Variants in RBFOX1 observed in about 807,000 individuals in gnomAD.
RBFOX1 encodes RNA binding protein fox-1 homolog 1.
RBFOX1 carries 8 observed loss-of-function variants against 57.7 expected under a neutral mutation model. The observed-to-expected ratio is 0.14, with a 90% CI of 0.08 to 0.25. The LOEUF is 0.25. Ranked by LOEUF, RBFOX1 falls within the 10% of genes least tolerant of loss-of-function variation. The probability of loss-of-function intolerance (pLI) is 1.00; values close to 1 mark genes in which losing one functional copy is unlikely to be tolerated. For synonymous variants in RBFOX1, 326 were observed against 222.4 expected, an observed-to-expected ratio of 1.47 and a Z score of -4.15; for missense variants, 611 against 548.5, an observed-to-expected ratio of 1.11 and a Z score of -1.14.
intron 3 of RBFOX1, among the ~76,000 whole-genome samples, chr16:6,760,757 A>G (rs1019269699): frequency 1.3e-5 from 2 of 152,212 alleles, no homozygotes; most frequent in Non-Finnish European, 2.9e-5. Context: ...CCTTGGTGCA[A>G]GATGCAGAGA....
intron 3 of RBFOX1, among the ~76,000 whole-genome samples, chr16:5,621,359 G>T (rs1346779583): frequency 2.6e-5 from 4 of 152,114 alleles, no homozygotes; most frequent in African/African-American, 9.7e-5. Flanking sequence ...AGTTGCTGGG[G>T]GTCATGATTT....
chr16:5,778,484 G>C (rs950879765), intron 3 of RBFOX1, among the ~76,000 whole-genome samples: 5 of 152,094 alleles, frequency 3.3e-5, no homozygotes, highest in Non-Finnish European at 7.4e-5. Flanking sequence ...TTCCTCCTGT[G>C]GGAACCAGGG....
At chr16:7,492,585 C>A (rs146723276) in intron 4 of RBFOX1, among the ~76,000 whole-genome samples, 149 of 152,246 alleles carry the variant, frequency 9.8e-4, no homozygotes, top group East Asian at 1.9e-3. Flanking sequence ...TAGATATTGT[C>A]CCATCTAAAT....
chr16:6,484,602 G>T (rs1449114228), intron 2 of RBFOX1, among the ~76,000 whole-genome samples: 1 of 152,078 alleles, frequency 6.6e-6, no homozygotes, highest in Admixed American at 6.5e-5. Context: ...AGTCTACAAT[G>T]ATCACCTAGC....
intron 2 of RBFOX1, among the ~76,000 whole-genome samples, chr16:5,467,792 G>A (rs1196483841): frequency 1.3e-5 from 2 of 152,164 alleles, no homozygotes; most frequent in African/African-American, 4.8e-5. Context: ...CTTGGATAGA[G>A]GAAGTAAGAT....
intron 3 of RBFOX1, among the ~76,000 whole-genome samples, chr16:6,659,858 G>A (rs555218107): frequency 1.3e-5 from 2 of 152,266 alleles, no homozygotes; most frequent in South Asian, 2.1e-4. Flanking sequence ...GCTGACCTCA[G>A]TTTCCAAAGA....
At chr16:5,778,505 C>G (rs1444496992) in intron 3 of RBFOX1, among the ~76,000 whole-genome samples, 1 of 152,142 alleles carries the variant, frequency 6.6e-6, no homozygotes, top group Non-Finnish European at 1.5e-5. Context: ...GACATCTCAC[C>G]ATTTTGTCAC....
At chr16:5,401,530 G>T (rs1405501206) in intron 1 of RBFOX1, among the ~76,000 whole-genome samples, 2 of 152,092 alleles carry the variant, frequency 1.3e-5, no homozygotes, top group Non-Finnish European at 2.9e-5. Context: ...AAGGATTCTT[G>T]TCTGTTTCTT....
chr16:6,215,284 G>GGAGAGGGAGAGGGA (rs1248767035), intron 1 of RBFOX1, among the ~76,000 whole-genome samples: 1 of 133,620 alleles, frequency 7.5e-6, no homozygotes, highest in African/African-American at 2.9e-5. Context: ...AGAGGGAAAA[G>GGAGAGGGAGAGGGA]GAGAGGGAGA....
At chr16:6,360,366 C>T (rs190192453) in intron 2 of RBFOX1, among the ~76,000 whole-genome samples, 1 of 151,988 alleles carries the variant, frequency 6.6e-6, no homozygotes, top group South Asian at 2.1e-4. Context: ...TATACTTGCA[C>T]TGCAGGGACC....
chr16:7,630,175 C>T (rs1053221661), intron 10 of RBFOX1, among the ~76,000 whole-genome samples: 2 of 151,938 alleles, frequency 1.3e-5, no homozygotes, highest in African/African-American at 4.8e-5. Flanking sequence ...GTATATTTAC[C>T]CCTGTTTTCC....
At chr16:7,394,411 T>C (rs1396689899) in intron 4 of RBFOX1, among the ~76,000 whole-genome samples, 1 of 152,080 alleles carries the variant, frequency 6.6e-6, no homozygotes, top group Non-Finnish European at 1.5e-5. Flanking sequence ...TCAGCCTGAA[T>C]CTCTTGCTTA....
chr16:5,483,556 G>C (rs999890199), intron 2 of RBFOX1, among the ~76,000 whole-genome samples: 9 of 152,232 alleles, frequency 5.9e-5, no homozygotes, highest in Admixed American at 2.0e-4. Flanking sequence ...CCCAGCCACC[G>C]TAGCTGTCAG....
intron 3 of RBFOX1, among the ~76,000 whole-genome samples, chr16:6,786,896 C>T (rs77294414): frequency 0.2 from 22,355 of 109,666 alleles, 2,294 homozygotes; most frequent in African/African-American, 0.4. Flanking sequence ...AGCCGGCAGG[C>T]TTTTTTACTT....
chr16:6,924,924 G>T (rs1177083347), intron 3 of RBFOX1, among the ~76,000 whole-genome samples: 5 of 144,960 alleles, frequency 3.4e-5, no homozygotes, highest in South Asian at 2.2e-4. Context: ...ACCTATGAGT[G>T]AGAACATGCG....
At chr16:6,231,692 G>T (rs2097461611) in intron 1 of RBFOX1, among the ~76,000 whole-genome samples, 3 of 152,180 alleles carry the variant, frequency 2.0e-5, no homozygotes, top group African/African-American at 7.2e-5. Flanking sequence ...AATTGATTAG[G>T]CATGTCTGCC....
intron 3 of RBFOX1, among the ~76,000 whole-genome samples, chr16:5,668,072 G>A (rs982995957): frequency 6.6e-6 from 1 of 152,086 alleles, no homozygotes; most frequent in Admixed American, 6.5e-5. Flanking sequence ...TAAAAGGCCA[G>A]GAATTCAGGA....
chr16:7,696,620 A>C (rs1568517456), intron 14 of RBFOX1, among the ~76,000 whole-genome samples: 1 of 148,860 alleles, frequency 6.7e-6, no homozygotes, highest in African/African-American at 2.4e-5. Flanking sequence ...ATAGCATTAA[A>C]TGAGTCAGGA....
chr16:6,748,419 G>A lies in RBFOX1; in HGVS notation c.-16+93769G>A, dbSNP rs139648124. On this transcript the variant is annotated intron_variant, in intron 3 of 15. Coordinates refer to ENST00000550418, the MANE Select transcript of RBFOX1 (RefSeq NM_018723.4). ...CTCACACCTATAATCCCAACACTTT[G>A]GAAGGCCGAGGCAGGAGGATTGCAT... 5.2e-3 allele frequency among the ~76,000 whole-genome samples: 786 copies of A among 152,222 alleles called. 16 individuals are homozygous for A. The East Asian group carries it at 0.074, about 14-fold the overall frequency.
Sources: allele counts gnomAD v4.1 joint callset (sites outside exome capture counted in the v4.1 genomes callset), GRCh38; gene constraint gnomAD v4.1.1; transcripts MANE v1.5; gene names NCBI Gene and HGNC (gene_info 2026-07-23, HGNC 2026-07-21).